DPEP1: variants seen among roughly 807,000 people sequenced by gnomAD.
DPEP1 encodes the protein dipeptidase 1.
Under a neutral mutation model 42.3 loss-of-function variants are expected in DPEP1, and 50 were observed. That is an observed-to-expected ratio of 1.18 (90% confidence interval 0.94 to 1.50). The LOEUF (loss-of-function observed/expected upper bound fraction) is 1.50. DPEP1 is among the 40% of genes most tolerant of loss of function. DPEP1 has a pLI of 0.00. For synonymous variants in DPEP1, 297 were observed against 234.0 expected (o/e 1.27, Z -2.46); for missense variants, 663 against 553.0 (o/e 1.20, Z -1.99).
At chr16:89,634,042 C>G (rs201888722) in intron 2 of DPEP1, among the ~76,000 whole-genome samples, 2 of 152,024 alleles carry the variant, frequency 1.3e-5, no homozygotes, top group East Asian at 3.9e-4. Flanking sequence ...AGAGCCTGCC[C>G]TGGGCCCCTT....
chr16:89,629,873 G>A (rs900273912), intron 1 of DPEP1, among the ~76,000 whole-genome samples: 1 of 152,306 alleles, frequency 6.6e-6, no homozygotes, highest in South Asian at 2.1e-4. Flanking sequence ...TTCCTGGAAC[G>A]CCCTAATGTT....
Position 89,638,137 on chromosome 16 carries a change from C to A in DPEP1, c.1151C>A (p.Ser384Tyr). 6.2e-7 allele frequency: 1 copy of A among 1,610,868 alleles called. No homozygotes were observed. Among genetic ancestry groups the A allele is most frequent in the Admixed American group, 1.7e-5 (1 of 59,930 alleles). ...TCCTGCAGGACCCATTACGGCTACT[C>A]CTCTGGGGCTTCCAGCCTCCATCGC... ...GGSCRTHYGY[S>Y]SGASSLHRHW... The change falls in exon 11 of 11, where the codon TCC (serine) becomes TAC (tyrosine). Residue 384 changes from serine (S) to tyrosine (Y), a missense_variant. Transcript: ENST00000690203.
intron 1 of DPEP1, among the ~76,000 whole-genome samples, chr16:89,621,928 C>T (rs917463556): frequency 3.9e-5 from 6 of 152,100 alleles, no homozygotes; most frequent in East Asian, 1.9e-4. Flanking sequence ...TGGTATCATC[C>T]GAAATGGCCA....
At chr16:89,626,305 A>G (rs920236509) in intron 1 of DPEP1, among the ~76,000 whole-genome samples, 5 of 152,158 alleles carry the variant, frequency 3.3e-5, no homozygotes, top group African/African-American at 1.2e-4. Context: ...TTCTCGTGGT[A>G]GCGAGAAAGT....
intron 1 of DPEP1, among the ~76,000 whole-genome samples, chr16:89,622,992 G>C (rs116258399): frequency 1.3e-5 from 2 of 152,086 alleles, no homozygotes; most frequent in Admixed American, 1.3e-4. Context: ...ACGATGGGCC[G>C]GGAGTGAGGA....
At position 89,637,184 on chromosome 16, in the gene DPEP1, A is replaced by G. The variant is rs2151503116; in HGVS notation, c.592-20A>G. 1.2e-6 allele frequency: 2 copies of G among 1,607,478 alleles called. No homozygotes were observed. Among genetic ancestry groups the G allele is most frequent in the Non-Finnish European group, 1.7e-6 (2 of 1,176,680 alleles). On this transcript the variant is annotated intron_variant, in intron 6 of 10. Transcript: ENST00000690203. ...CCGACCCTGGGGGCTGTGAGGGTGGACGGAGCCCTGTCTTCCCAGCGTGTG... is the reference window on the plus strand; with the variant it reads ...CCGACCCTGGGGGCTGTGAGGGTGGGCGGAGCCCTGTCTTCCCAGCGTGTG...
intron 1 of DPEP1, among the ~76,000 whole-genome samples, chr16:89,627,752 C>T (rs2059534482): frequency 1.4e-5 from 2 of 146,206 alleles, no homozygotes; most frequent in Non-Finnish European, 3.0e-5. Flanking sequence ...CCTCCGCCTC[C>T]CTGGTTCAAG....
chr16:89,640,967 T>C (rs1303341793), downstream of DPEP1, among the ~76,000 whole-genome samples: 1 of 152,160 alleles, frequency 6.6e-6, no homozygotes, highest in Non-Finnish European at 1.5e-5. Context: ...CAGTGATTGA[T>C]AAGGTCACGC....
At chr16:89,613,889 G>C (rs1215645689) in intron 1 of DPEP1, among the ~76,000 whole-genome samples, 170 bp downstream of exon 1, 1 of 149,770 alleles carries the variant, frequency 6.7e-6, no homozygotes, top group East Asian at 1.9e-4. Flanking sequence ...GGTGTGTGCG[G>C]CAGGGGACGG....
At chr16:89,634,254 A>G (rs2059630551) in intron 2 of DPEP1, among the ~76,000 whole-genome samples, 1 of 151,410 alleles carries the variant, frequency 6.6e-6, no homozygotes, top group South Asian at 2.1e-4. Flanking sequence ...ACTCCCGGCT[A>G]ATTTTTGTAT....
At chr16:89,618,036 A>G (rs945623714) in intron 1 of DPEP1, among the ~76,000 whole-genome samples, 21 of 152,270 alleles carry the variant, frequency 1.4e-4, no homozygotes, top group South Asian at 6.2e-4. Context: ...AAAATATAAA[A>G]AAATAAAAAT....
Position 89,638,429 on chromosome 16 carries a change from T to G in DPEP1, c.*207T>G. ...GGCCCGCAATAAAAGCAACACCCCT[T>G]CACATCCTGGGGTACGTGTCATCGG... On this transcript the variant is annotated 3_prime_UTR_variant, in exon 11 of 11. Transcript: ENST00000690203. The G allele has an allele frequency of 1.5e-6, 2 of 1,332,908 alleles. No individual in the cohort carries two copies. Among genetic ancestry groups the G allele is most frequent in the Non-Finnish European group, 1.9e-6 (2 of 1,046,946 alleles). The allele number at this position is 1,332,908 out of a possible 1,614,324, so 82.6% of individuals were successfully genotyped here. A position where few individuals can be genotyped will look rare whatever the true frequency, so the allele number is the denominator to read the frequency against.
chr16:89,637,406 C>T (rs768398387), intron 7 of DPEP1, 26 bp downstream of exon 7: 15 of 1,612,468 alleles, frequency 9.3e-6, no homozygotes, highest in Non-Finnish European at 1.2e-5. Flanking sequence ...GCGACCTCCA[C>T]CCCGCCTCCC....
chr16:89,636,984 C>T (rs1441893259), intron 6 of DPEP1, 49 bp downstream of exon 6: 1 of 1,603,578 alleles, frequency 6.2e-7, no homozygotes, highest in African/African-American at 1.3e-5. Context: ...AGGCAGAGGC[C>T]CTGGAGGGTG....
At chr16:89,627,191 T>C (rs1395640555) in intron 1 of DPEP1, among the ~76,000 whole-genome samples, 1 of 149,048 alleles carries the variant, frequency 6.7e-6, no homozygotes, top group Admixed American at 6.8e-5. Flanking sequence ...GAGAATGGCA[T>C]GAACCCGGGA....
intron 1 of DPEP1, among the ~76,000 whole-genome samples, chr16:89,621,796 C>G (rs1346791127): frequency 6.6e-6 from 1 of 152,192 alleles, no homozygotes; most frequent in East Asian, 1.9e-4. Flanking sequence ...CATGTCTGTT[C>G]TAGGTACGCG....
At chr16:89,615,719 G>A (rs1301492981) in intron 1 of DPEP1, among the ~76,000 whole-genome samples, 3 of 152,216 alleles carry the variant, frequency 2.0e-5, no homozygotes, top group Non-Finnish European at 2.9e-5. Flanking sequence ...GCCGGGAACC[G>A]GCCCCACGGA....
chr16:89,636,946 T>C lies in DPEP1; in HGVS notation c.591+11T>C. ...TCACCCTTTGGGCAGGTGAGTGGGG[T>C]GGGAGCGGCCAGTCACCCCCGAGGA... On this transcript the variant is annotated intron_variant, in intron 6 of 10. Coordinates refer to ENST00000690203, the MANE Select transcript of DPEP1 (RefSeq NM_001389466.1). 1 of 1,611,570 alleles carries C rather than the reference T, an allele frequency of 6.2e-7. No homozygotes were observed. Among genetic ancestry groups the C allele is most frequent in the Non-Finnish European group, 8.5e-7 (1 of 1,179,714 alleles).
intron 1 of DPEP1, among the ~76,000 whole-genome samples, chr16:89,615,949 A>T (rs1169013621): frequency 6.6e-6 from 1 of 152,218 alleles, no homozygotes; most frequent in South Asian, 2.1e-4. Flanking sequence ...CGCAGGGCTC[A>T]GGCGTCCCCT....
Sources: gnomAD v4.1 joint callset for allele counts (sites outside exome capture counted in the v4.1 genomes callset) on GRCh38, gnomAD v4.1.1 for gene constraint, MANE v1.5 for transcripts, NCBI Gene and HGNC (gene_info 2026-07-23, HGNC 2026-07-21) for gene names.